The following ST13 variants were observed in gnomAD, a reference collection of about 807,000 sequenced individuals.
The protein encoded by ST13 is hsc70-interacting protein.
ST13 carries 23 observed loss-of-function variants against 56.7 expected under a neutral mutation model. The observed-to-expected ratio is 0.41, with a 90% CI of 0.29 to 0.57. The LOEUF is 0.57. Among genes scored for constraint, ST13 ranks in the 20% least tolerant of loss-of-function variants. The pLI is 0.36. For missense variants in ST13, 369 were observed against 459.9 expected, an observed-to-expected ratio of 0.80 and a Z score of 1.81; for synonymous variants, 132 against 142.4, an observed-to-expected ratio of 0.93 and a Z score of 0.52.
At chr22:40,854,647 GT>G (rs1483852783) in intron 1 of ST13, 1 of 152,174 alleles carries the variant, frequency 6.6e-6, no homozygotes, top group Non-Finnish European at 1.5e-5. Flanking sequence ...TTCCTCACTA[GT>G]AAGAATGAAA....
At chr22:40,832,475 C>T (rs1291100886) in intron 8 of ST13, 94 bp downstream of exon 8, 3 of 891,624 alleles carry the variant, frequency 3.4e-6, no homozygotes, top group African/African-American at 1.7e-5. Flanking sequence ...TGTTTCTTTG[C>T]CTGTTTTTCA....
At position 40,833,701 on chromosome 22, in the gene ST13, C is replaced by T. The variant is rs754306088; in HGVS notation, c.579-1030G>A. On this transcript the variant is annotated intron_variant, in intron 7 of 11. Transcript: ENST00000216218. ...GACCAGCCTGGCCAATGTGGCAAAA[C>T]CCCATCTCTAATATAAAAAATTTGC... is the stretch of plus-strand genomic sequence containing the variant. 2.6e-5 allele frequency among the ~76,000 whole-genome samples: 4 copies of T among 152,062 alleles called. No individual in the cohort carries two copies. The East Asian group carries it at 5.8e-4, about 22-fold the overall frequency.
chr22:40,836,015 A>C, intron 5 of ST13, 128 bp from the exon 6 acceptor site: 1 of 715,700 alleles, frequency 1.4e-6, no homozygotes, highest in Non-Finnish European at 2.2e-6. Context: ...AAAGACAACT[A>C]AGTTATACTA....
At position 40,826,105 on chromosome 22, in the gene ST13, A is replaced by G. The variant is rs1314489921; in HGVS notation, c.*433T>C. The G allele has an allele frequency of 6.5e-6, 1 of 153,304 alleles. No homozygotes were observed. Among genetic ancestry groups the G allele is most frequent in the East Asian group, 1.9e-4 (1 of 5,214 alleles). 9.5% of individuals were successfully genotyped at this position (153,304 alleles called of 1,614,324 possible). A position where few individuals can be genotyped will look rare whatever the true frequency, so the allele number is the denominator to read the frequency against. ...AAAATGCATCAGGAACCACATATCC[A>G]ACACAAACTTTATCCTCAAATGAGT... On this transcript the variant is annotated 3_prime_UTR_variant, in exon 12 of 12. Coordinates refer to ENST00000216218, the MANE Select transcript of ST13 (RefSeq NM_003932.5).
At chr22:40,839,837 G>C (rs981568540) in intron 5 of ST13, among the ~76,000 whole-genome samples, 45 of 150,516 alleles carry the variant, frequency 3.0e-4, no homozygotes, top group African/African-American at 1.0e-3. Context: ...TTACCTTGGA[G>C]AGTTAAAAAA....
At chr22:40,834,443 A>G (rs761243965) in intron 7 of ST13, among the ~76,000 whole-genome samples, 2 of 152,258 alleles carry the variant, frequency 1.3e-5, no homozygotes, top group Non-Finnish European at 2.9e-5. Flanking sequence ...TTTTTACCAC[A>G]CAAGTGTCAA....
chr22:40,850,825 T>C lies in ST13; in HGVS notation c.166A>G (p.Lys56Glu), dbSNP rs370530323. 31 of 1,602,046 alleles carry C rather than the reference T, an allele frequency of 1.9e-5. No individual in the cohort carries two copies. The African/African-American group carries it at 4.2e-4, about 22-fold the overall frequency. The change falls in exon 2 of 12, where the codon AAG becomes GAG. Residue 56 changes from lysine to glutamate, a missense_variant and splice_region_variant. By Grantham distance (56) the Lys-to-Glu change is moderately conservative. Around this residue, in one of 3 missense-constraint regions of ST13, gnomAD observed 169 missense variants for 175.6 expected, o/e 0.96. Transcript: ENST00000216218. ...TQKAKSEENTKEEKPDSKKVE... is the reference protein window; with the variant it reads ...TQKAKSEENTEEEKPDSKKVE... Reference sequence around the variant, plus strand: ...ATACAAATGAAATTAAAACTTACCTTGGTATTTTCTTCTGATTTAGCTTTC... The same window carrying C: ...ATACAAATGAAATTAAAACTTACCTCGGTATTTTCTTCTGATTTAGCTTTC...
intron 10 of ST13, among the ~76,000 whole-genome samples, chr22:40,829,215 T>C (rs1243755749): frequency 6.6e-6 from 1 of 152,208 alleles, no homozygotes; most frequent in Non-Finnish European, 1.5e-5. Context: ...AAGAGAAAGC[T>C]AGTTACCATT....
intron 4 of ST13, among the ~76,000 whole-genome samples, chr22:40,841,910 G>A (rs1231017217): frequency 4.6e-5 from 7 of 152,126 alleles, no homozygotes; most frequent in Admixed American, 4.6e-4. Context: ...TATTTTGAAG[G>A]TAATGCAGGA....
chr22:40,854,327 G>A (rs927155412), intron 1 of ST13, among the ~76,000 whole-genome samples: 2 of 152,106 alleles, frequency 1.3e-5, no homozygotes, highest in African/African-American at 4.8e-5. Flanking sequence ...AAGAGAAAAA[G>A]CTTCTATATT....
At chr22:40,828,540 C>T (rs1428600507) in intron 10 of ST13, among the ~76,000 whole-genome samples, 1 of 151,560 alleles carries the variant, frequency 6.6e-6, no homozygotes, top group Non-Finnish European at 1.5e-5. Context: ...GTGAACCCGG[C>T]AGGCGGAGCT....
intron 1 of ST13, among the ~76,000 whole-genome samples, chr22:40,851,798 T>G (rs1024597610): frequency 1.3e-4 from 19 of 150,508 alleles, no homozygotes; most frequent in Non-Finnish European, 2.5e-4. Flanking sequence ...CAGGCTGGAG[T>G]GCAGTGGCAC....
intron 2 of ST13, 41 bp downstream of exon 2, chr22:40,850,782 A>G (rs777089809): frequency 1.2e-5 from 18 of 1,459,140 alleles, no homozygotes; most frequent in African/African-American, 2.8e-5. Flanking sequence ...GAAATCTTAT[A>G]GTACTTTATC....
rs745617104 is a variant in ST13, at chr22:40,856,563, C to T, written c.-23G>A. The T allele has an allele frequency of 3.1e-6, 5 of 1,597,080 alleles. No individual in the cohort carries two copies. The Admixed American group carries it at 8.3e-5, about 27-fold the overall frequency. ...CATGGTAGGGAGGTGGTGGGCGAAA[C>T]TGGGGGGGCTACGGCCCGGTTCCAG... is the stretch of plus-strand genomic sequence containing the variant. On this transcript the variant is annotated 5_prime_UTR_variant, in exon 1 of 12. Coordinates refer to ENST00000216218, the MANE Select transcript of ST13 (RefSeq NM_003932.5).
chr22:40,847,556 G>GAAAA (rs1177807946), intron 3 of ST13, among the ~76,000 whole-genome samples: 1 of 83,988 alleles, frequency 1.2e-5, no homozygotes, highest in Admixed American at 1.4e-4. Flanking sequence ...CTCAAAAAAA[G>GAAAA]AAAAAAAAAA....
chr22:40,829,708 A>G, intron 9 of ST13, 34 bp from the exon 10 acceptor site: 1 of 1,242,894 alleles, frequency 8.0e-7, no homozygotes, highest in Non-Finnish European at 1.1e-6. Flanking sequence ...TATATAATAG[A>G]AGAAGAAATA....
chr22:40,826,386 G>A lies in ST13; in HGVS notation c.*152C>T. On this transcript the variant is annotated 3_prime_UTR_variant, in exon 12 of 12. Transcript: ENST00000216218. ...CAAACCACTGTAAAATGCTTCAGCT[G>A]CATTTGGGGGAGAGGGGTAGGGATT... 6.9e-6 allele frequency: 4 copies of A among 581,282 alleles called. No homozygotes were observed. In the South Asian group the frequency reaches 1.1e-4, roughly 16 times the overall value. The allele number at this position is 581,282 out of a possible 1,614,324, so 36.0% of individuals were successfully genotyped here.
intron 8 of ST13, chr22:40,832,076 G>A: frequency 2.5e-6 from 1 of 404,562 alleles, no homozygotes; most frequent in Non-Finnish European, 4.9e-6. Flanking sequence ...GGCTGGTCTT[G>A]AACTCCTGAC....
intron 1 of ST13, among the ~76,000 whole-genome samples, chr22:40,851,705 T>G (rs998364784): frequency 6.6e-6 from 1 of 151,818 alleles, no homozygotes; most frequent in African/African-American, 2.4e-5. Context: ...CCATTAACTA[T>G]GTAAAACAAG....
Sources: allele counts gnomAD v4.1 joint callset (sites outside exome capture counted in the v4.1 genomes callset), GRCh38; gene constraint gnomAD v4.1.1; regional missense constraint gnomAD v4.1.1; transcripts MANE v1.5; gene names NCBI Gene and HGNC (gene_info 2026-07-23, HGNC 2026-07-21).